FEZ2: variants seen among roughly 807,000 people sequenced by gnomAD.
FEZ2 encodes fasciculation and elongation protein zeta-2.
A neutral mutation model predicts 40.4 loss-of-function variants in FEZ2; 51 were observed. That is an observed-to-expected ratio of 1.26 (90% CI 1.01 to 1.59). FEZ2 has a LOEUF of 1.59. FEZ2 is among the 40% of genes most tolerant of loss of function. The pLI, the probability that FEZ2 is intolerant of heterozygous loss-of-function variation, is 0.00. For missense variants in FEZ2, 640 were observed against 438.3 expected (o/e 1.46, Z -4.11); for synonymous variants, 242 against 172.0 (o/e 1.41, Z -3.18).
chr2:36,576,301 G>T (rs867100872), intron 5 of FEZ2, among the ~76,000 whole-genome samples: 1 of 150,376 alleles, frequency 6.6e-6, no homozygotes, highest in Admixed American at 6.6e-5. Context: ...ACAGAGCCTC[G>T]TTCTGTTGCC....
chr2:36,561,828 GA>G (rs1668100494), intron 5 of FEZ2, among the ~76,000 whole-genome samples: 1 of 152,182 alleles, frequency 6.6e-6, no homozygotes, highest in Non-Finnish European at 1.5e-5. Context: ...TCAACATAAA[GA>G]ATATTTTACC....
Position 36,581,313 on chromosome 2 carries a change from G to C in FEZ2, c.611C>G (p.Ser204Cys). 1.2e-6 allele frequency: 2 copies of C among 1,613,832 alleles called. No homozygotes were observed. The highest frequency in any genetic ancestry group is 1.7e-6 in the Non-Finnish European group (2 of 1,179,764). The change falls in exon 4 of 8, where the codon TCT (serine) becomes TGT (cysteine). Residue 204 changes from serine (S) to cysteine (C), a missense_variant. By Grantham distance (112) the Ser-to-Cys change is moderately radical. Transcript: ENST00000405912. ...LSQEIQTLKR[S>C]STGSYEERVK... ...ACTCTCTTCATAACTGCCGGTACTA[G>C]ACCTCTTGAGAGTTTGAATTTCCTG...
intron 2 of FEZ2, among the ~76,000 whole-genome samples, chr2:36,588,008 G>T (rs1668952578): frequency 6.6e-6 from 1 of 151,984 alleles, no homozygotes; most frequent in Admixed American, 6.6e-5. Flanking sequence ...TTCATCTGCT[G>T]AGTTTTTCCA....
intron 3 of FEZ2, among the ~76,000 whole-genome samples, chr2:36,582,321 T>G (rs557465643): frequency 6.6e-6 from 1 of 152,238 alleles, no homozygotes; most frequent in South Asian, 2.1e-4. Flanking sequence ...AGGTAAGATT[T>G]CCACCAAGGA....
At position 36,558,420 on chromosome 2, in the gene FEZ2, CATTTT is replaced by C; in HGVS notation, c.979+13_979+17del. 1 of 1,461,598 alleles carries C rather than the reference CATTTT, an allele frequency of 6.8e-7. No homozygotes were observed. Among genetic ancestry groups the C allele is most frequent in the Non-Finnish European group, 9.2e-7 (1 of 1,089,336 alleles). The allele number at this position is 1,461,598 out of a possible 1,614,324, so 90.5% of individuals were successfully genotyped here. On this transcript the variant is annotated intron_variant, in intron 6 of 7. Coordinates refer to ENST00000405912, the MANE Select transcript of FEZ2 (RefSeq NM_005102.3). ...GCAAAAGGAAATCAGGTAATAGTTT[CATTTT>C]GTCTTTGCTCACTTTTTGTTAATAT...
intron 5 of FEZ2, among the ~76,000 whole-genome samples, chr2:36,576,433 C>A (rs959227044): frequency 2.6e-5 from 4 of 152,270 alleles, no homozygotes; most frequent in African/African-American, 4.8e-5. Context: ...CCACGCCCAA[C>A]TAATTTTTGT....
chr2:36,577,485 C>T (rs1251569026), intron 5 of FEZ2, among the ~76,000 whole-genome samples: 1 of 152,116 alleles, frequency 6.6e-6, no homozygotes, highest in East Asian at 1.9e-4. Flanking sequence ...AACTCCTGAC[C>T]TCAGGTGATC....
chr2:36,590,616 C>T, intron 2 of FEZ2: 1 of 275,798 alleles, frequency 3.6e-6, no homozygotes, highest in Non-Finnish European at 6.8e-6. Context: ...TGTAGTAAGC[C>T]ACTGTACTCC....
chr2:36,580,763 T>G lies in FEZ2; in HGVS notation c.634+527A>C, dbSNP rs558517647. On this transcript the variant is annotated intron_variant, in intron 4 of 7. Transcript: ENST00000405912. ...TGTTGAAGTCCTAACCCCAAGTACC[T>G]CAGAATGTTACAGTATATGGTCTTT... Among the ~76,000 whole-genome samples the G allele has an allele frequency of 1.5e-4, 23 of 152,282 alleles. No individual in the cohort carries two copies. The South Asian group carries it at 4.8e-3, about 32-fold the overall frequency.
chr2:36,597,392 T>C (rs1351542055), intron 1 of FEZ2, among the ~76,000 whole-genome samples: 2 of 152,216 alleles, frequency 1.3e-5, no homozygotes, highest in Admixed American at 6.5e-5. Flanking sequence ...ATTACATCCA[T>C]ACATGTATTT....
intron 5 of FEZ2, among the ~76,000 whole-genome samples, chr2:36,578,329 T>G (rs991554428): frequency 1.3e-5 from 2 of 152,260 alleles, no homozygotes; most frequent in African/African-American, 2.4e-5. Flanking sequence ...CAAGACATTC[T>G]CCTTTTTTGC....
chr2:36,592,102 A>G (rs1413048741), intron 1 of FEZ2, among the ~76,000 whole-genome samples: 2 of 152,216 alleles, frequency 1.3e-5, no homozygotes, highest in Non-Finnish European at 2.9e-5. Context: ...ATCAAACACT[A>G]AACATACAAG....
chr2:36,595,061 G>A (rs1306914185), intron 1 of FEZ2, among the ~76,000 whole-genome samples: 2 of 152,098 alleles, frequency 1.3e-5, no homozygotes, highest in African/African-American at 2.4e-5. Context: ...TTGCAAGGAG[G>A]TCAAAGTCCT....
At chr2:36,568,216 G>A (rs765476455) in intron 5 of FEZ2, among the ~76,000 whole-genome samples, 2 of 152,020 alleles carry the variant, frequency 1.3e-5, no homozygotes, top group Non-Finnish European at 2.9e-5. Flanking sequence ...AGGGGGAAGG[G>A]AGGGAAGCAT....
intron 2 of FEZ2, chr2:36,584,201 CCT>C (rs1448989550): frequency 2.0e-5 from 3 of 152,256 alleles, no homozygotes; most frequent in African/African-American, 7.2e-5. Flanking sequence ...TGTCTTCCTC[CCT>C]GTCAGACTGT....
In FEZ2 at chr2:36,552,924, TAA is replaced by T. The variant is rs905961966; in HGVS notation, c.*237_*238del. 1.2e-5 allele frequency: 6 copies of T among 514,544 alleles called. No individual in the cohort carries two copies. In the Admixed American group the frequency reaches 1.8e-4, roughly 15 times the overall value. 31.9% of individuals were successfully genotyped at this position (514,544 alleles called of 1,614,324 possible). On this transcript the variant is annotated 3_prime_UTR_variant, in exon 8 of 8. Transcript: ENST00000405912. ...TTAATATTACTCTCTCTTAATCTAC[TAA>T]GAGAACAGTTTATTAGTAGATTTAA... is the stretch of plus-strand genomic sequence containing the variant.
intron 2 of FEZ2, among the ~76,000 whole-genome samples, chr2:36,586,325 T>C (rs1668897276): frequency 1.3e-5 from 2 of 152,190 alleles, no homozygotes; most frequent in Non-Finnish European, 2.9e-5. Context: ...TTATAAATAC[T>C]AAAAGTTTTA....
Position 36,572,089 on chromosome 2 carries a change from C to T in FEZ2, c.903+6508G>A, listed in dbSNP as rs1668434153. On this transcript the variant is annotated intron_variant, in intron 5 of 7. Coordinates refer to ENST00000405912, the MANE Select transcript of FEZ2 (RefSeq NM_005102.3). ...CATGCCTTTTCCACTTCTCCTCTAA[C>T]CTTCTTTTAAAACCACATTTTATCA... Among the ~76,000 whole-genome samples, 4 of 150,570 alleles carry T rather than the reference C, an allele frequency of 2.7e-5. No homozygotes were observed. In the South Asian group the frequency reaches 8.5e-4, roughly 32 times the overall value.
At chr2:36,575,343 C>A (rs1235434091) in intron 5 of FEZ2, among the ~76,000 whole-genome samples, 2 of 152,038 alleles carry the variant, frequency 1.3e-5, no homozygotes, top group African/African-American at 4.8e-5. Flanking sequence ...TGCCACCACA[C>A]CTGGCTAATT....
Sources: gnomAD v4.1 joint callset for allele counts (sites outside exome capture counted in the v4.1 genomes callset) on GRCh38, gnomAD v4.1.1 for gene constraint, MANE v1.5 for transcripts, NCBI Gene and HGNC (gene_info 2026-07-23, HGNC 2026-07-21) for gene names.